RALGAPA1: variants seen among roughly 807,000 people sequenced by gnomAD.
RALGAPA1 encodes the protein Ral GTPase activating protein catalytic subunit alpha 1.
RALGAPA1 carries 52 observed loss-of-function variants against 269.6 expected under a neutral mutation model. The ratio of observed to expected loss-of-function variants is 0.19; its 90% CI spans 0.15 to 0.24. The LOEUF (loss-of-function observed/expected upper bound fraction) is 0.24. Among genes scored for constraint, RALGAPA1 ranks in the 10% least tolerant of loss-of-function variants. The probability of loss-of-function intolerance (pLI) is 1.00; values close to 1 mark genes in which losing one functional copy is unlikely to be tolerated. For missense variants in RALGAPA1, 1,917 were observed against 3,013.9 expected (o/e 0.64, Z 8.52); for synonymous variants, 817 against 1,008.3 (o/e 0.81, Z 3.60).
intron 37 of RALGAPA1, among the ~76,000 whole-genome samples, chr14:35,585,392 T>C (rs2058214869): frequency 6.6e-6 from 1 of 152,050 alleles, no homozygotes; most frequent in African/African-American, 2.4e-5. Flanking sequence ...AACACATGGG[T>C]CAAATAATAT....
At chr14:35,677,779 A>C (rs1251978491) in intron 22 of RALGAPA1, 171 bp downstream of exon 22, 3 of 620,472 alleles carry the variant, frequency 4.8e-6, no homozygotes, top group Admixed American at 3.5e-5. Context: ...CAGACAACAA[A>C]TATCTTTAAG....
rs531111410 is a variant in RALGAPA1, at chr14:35,765,402, G to A, written c.326-2649C>T. Among the ~76,000 whole-genome samples, 5 of 152,022 alleles carry A rather than the reference G, an allele frequency of 3.3e-5. No homozygotes were observed. In the South Asian group the frequency reaches 1.0e-3, roughly 32 times the overall value. The stretch of plus-strand genomic sequence containing the variant: ...ATAGGAATGTTAAGAATTGTTATAT[G>A]TGTGTGTACATACATATATATGATA... On this transcript the variant is annotated intron_variant, in intron 4 of 41. Coordinates refer to ENST00000680220, the MANE Select transcript of RALGAPA1 (RefSeq NM_001346249.2).
intron 7 of RALGAPA1, among the ~76,000 whole-genome samples, chr14:35,753,325 A>C (rs2072895423): frequency 6.6e-6 from 1 of 152,222 alleles, no homozygotes. Context: ...TAAATAAGTA[A>C]GTAAACAAAT....
intron 40 of RALGAPA1, 152 bp downstream of exon 40, chr14:35,548,958 A>G (rs1344442110): frequency 2.2e-6 from 2 of 914,058 alleles, no homozygotes; most frequent in Non-Finnish European, 3.2e-6. Flanking sequence ...AGAAACCATA[A>G]ATCAAATTTA....
intron 1 of RALGAPA1, among the ~76,000 whole-genome samples, chr14:35,796,339 G>A (rs538291408): frequency 1.3e-5 from 2 of 152,136 alleles, no homozygotes; most frequent in Non-Finnish European, 2.9e-5. Context: ...GATGAAACAC[G>A]CAGAGGAAAA....
chr14:35,783,277 A>G (rs2141662883), intron 1 of RALGAPA1, among the ~76,000 whole-genome samples: 1 of 152,324 alleles, frequency 6.6e-6, no homozygotes, highest in Middle Eastern at 3.4e-3. Flanking sequence ...ATCATCGACA[A>G]GGGTACCAAA....
intron 1 of RALGAPA1, among the ~76,000 whole-genome samples, chr14:35,804,104 G>C (rs1393816805): frequency 6.8e-6 from 1 of 147,924 alleles, no homozygotes; most frequent in Non-Finnish European, 1.5e-5. Context: ...CTCTATTTAA[G>C]TACAAAAATT....
chr14:35,796,296 G>A (rs936550654), intron 1 of RALGAPA1, among the ~76,000 whole-genome samples: 1 of 152,092 alleles, frequency 6.6e-6, no homozygotes, highest in African/African-American at 2.4e-5. Context: ...AAAGATTAGT[G>A]AACTTGAAGA....
intron 17 of RALGAPA1, among the ~76,000 whole-genome samples, chr14:35,691,093 A>G (rs2066443970): frequency 6.7e-6 from 1 of 149,708 alleles, no homozygotes; most frequent in South Asian, 2.1e-4. Context: ...AATAATAATT[A>G]TTATTATTAT....
Position 35,595,661 on chromosome 14 carries a change from A to C in RALGAPA1, c.7182T>G (p.Ser2394=), listed in dbSNP as rs769536520. The change falls in exon 37 of 42, where the codon TCT becomes TCG. Residue 2394 remains serine (S), a synonymous_variant. Transcript: ENST00000680220. ...VIFHVSTRMP[S]DSDDSLTKKL... is the part of the protein sequence containing the mutation. ...TTTTGGTCAAAGAATCATCAGAATC[A>C]GAAGGCATTCTTGTTGACACGTGAA... 23 of 1,612,124 alleles carry C rather than the reference A, an allele frequency of 1.4e-5. No homozygotes were observed. In the East Asian group the frequency reaches 5.1e-4, roughly 36 times the overall value.
chr14:35,691,102 A>ATTG (rs1419614688), intron 17 of RALGAPA1, among the ~76,000 whole-genome samples: 5 of 150,350 alleles, frequency 3.3e-5, no homozygotes, highest in Non-Finnish European at 7.4e-5. Flanking sequence ...TATTATTATT[A>ATTG]TTATAGATGG....
Position 35,688,770 on chromosome 14 carries a change from G to A in RALGAPA1, c.3641C>T (p.Pro1214Leu). The A allele has an allele frequency of 6.9e-7, 1 of 1,441,162 alleles. No individual in the cohort carries two copies. The highest frequency in any genetic ancestry group is 1.4e-5 in the African/African-American group (1 of 69,938). 89.3% of individuals were successfully genotyped at this position (1,441,162 alleles called of 1,614,324 possible). ...TGATGCAGTACCAAGTGTATCTAGAGGTCTGTACACACCAGGTTTTACTAG... is the reference window on the plus strand; with the variant it reads ...TGATGCAGTACCAAGTGTATCTAGAAGTCTGTACACACCAGGTTTTACTAG... The part of the protein sequence containing the change: ...TELVKPGVYR[P>L]LDTLGTASVS... Residue 1214 changes from proline to leucine, a missense_variant, in exon 18 of 42, where the codon CCT (proline) becomes CTT (leucine). By Grantham distance (98) the Pro-to-Leu change is moderately conservative (BLOSUM62 -3). This residue lies in a region of RALGAPA1 where 615 missense variants were observed against 790.0 expected (regional missense o/e 0.78). Coordinates refer to ENST00000680220, the MANE Select transcript of RALGAPA1 (RefSeq NM_001346249.2).
chr14:35,680,004 T>C (rs1017770275), intron 21 of RALGAPA1, among the ~76,000 whole-genome samples: 3 of 152,174 alleles, frequency 2.0e-5, no homozygotes, highest in Admixed American at 2.0e-4. Context: ...TACAGAAACT[T>C]AAGTATTCTA....
intron 35 of RALGAPA1, among the ~76,000 whole-genome samples, chr14:35,609,817 C>T (rs187458630): frequency 1.5e-3 from 227 of 150,458 alleles, no homozygotes; most frequent in Non-Finnish European, 2.5e-3. Context: ...AGGGCCCCTA[C>T]TTGGGGAGGC....
At chr14:35,806,229 T>A (rs553704727) in intron 1 of RALGAPA1, among the ~76,000 whole-genome samples, 1 of 152,236 alleles carries the variant, frequency 6.6e-6, no homozygotes, top group East Asian at 1.9e-4. Context: ...AGGACTGAAC[T>A]GTTAGCTGTA....
chr14:35,597,736 A>C (rs1393246119), intron 36 of RALGAPA1, among the ~76,000 whole-genome samples: 2 of 151,938 alleles, frequency 1.3e-5, no homozygotes, highest in African/African-American at 2.4e-5. Flanking sequence ...GCAATCACTC[A>C]CTCATCTGTT....
intron 4 of RALGAPA1, among the ~76,000 whole-genome samples, chr14:35,764,847 G>A (rs2074018029): frequency 1.3e-5 from 2 of 152,058 alleles, no homozygotes; most frequent in South Asian, 4.1e-4. Context: ...ACCATGCCTG[G>A]CCTTAAATTT....
intron 14 of RALGAPA1, 21 bp downstream of exon 14, chr14:35,725,003 C>T: frequency 1.3e-6 from 2 of 1,570,308 alleles, no homozygotes; most frequent in South Asian, 2.4e-5. Flanking sequence ...AGCTATTCAT[C>T]TATTTATTTA....
At chr14:35,647,328 G>C (rs1253603423) in intron 31 of RALGAPA1, among the ~76,000 whole-genome samples, 2 of 152,104 alleles carry the variant, frequency 1.3e-5, no homozygotes, top group African/African-American at 4.8e-5. Context: ...TGAGCCGTTT[G>C]AGAAGTCTAA....
Sources: gnomAD v4.1 joint callset for allele counts (sites outside exome capture counted in the v4.1 genomes callset) on GRCh38, gnomAD v4.1.1 for gene constraint, gnomAD v4.1.1 regional missense constraint, MANE v1.5 for transcripts, NCBI Gene and HGNC (gene_info 2026-07-23, HGNC 2026-07-21) for gene names.